CCNY: variants seen among roughly 807,000 people sequenced by gnomAD.
CCNY encodes cyclin-Y.
A neutral mutation model predicts 42.8 loss-of-function variants in CCNY; 19 were observed. The observed-to-expected ratio is 0.44, with a 90% CI of 0.31 to 0.65. The LOEUF (loss-of-function observed/expected upper bound fraction) is 0.65, where lower values mean the gene tolerates loss of function less well. Ranked by LOEUF, CCNY falls within the 30% of genes least tolerant of loss-of-function variation. The pLI, the probability that CCNY is intolerant of heterozygous loss-of-function variation, is 0.07. For missense variants in CCNY, 370 were observed against 437.3 expected (o/e 0.85, Z 1.37); for synonymous variants, 165 against 162.7 (o/e 1.01, Z -0.11).
At chr10:35,428,712 G>A (rs1228125876) in intron 1 of CCNY, among the ~76,000 whole-genome samples, 1 of 152,086 alleles carries the variant, frequency 6.6e-6, no homozygotes, top group Non-Finnish European at 1.5e-5. Flanking sequence ...TTGTGGTCTA[G>A]GTGGAAGATG....
intron 3 of CCNY, among the ~76,000 whole-genome samples, chr10:35,300,592 C>A (rs550221661): frequency 6.6e-6 from 1 of 151,946 alleles, no homozygotes; most frequent in Non-Finnish European, 1.5e-5. Flanking sequence ...TTTTTGCATT[C>A]GCTTATACAA....
At chr10:35,462,966 C>T (rs571848878) in intron 1 of CCNY, among the ~76,000 whole-genome samples, 2 of 152,348 alleles carry the variant, frequency 1.3e-5, no homozygotes, top group African/African-American at 4.8e-5. Context: ...GAAATGGTTG[C>T]AGCGGCACTT....
intron 3 of CCNY, among the ~76,000 whole-genome samples, chr10:35,285,570 A>G (rs956328264): frequency 1.3e-5 from 2 of 152,252 alleles, no homozygotes; most frequent in African/African-American, 4.8e-5. Flanking sequence ...GACTACTCAG[A>G]TGTGAGCCAC....
At chr10:35,512,830 G>A (rs907718120) in intron 3 of CCNY, among the ~76,000 whole-genome samples, 16 of 152,052 alleles carry the variant, frequency 1.1e-4, no homozygotes, top group East Asian at 5.8e-4. Flanking sequence ...GAGGTGTCGC[G>A]GGTGGGAGCA....
intron 1 of CCNY, among the ~76,000 whole-genome samples, chr10:35,413,238 GGACACA>G (rs1333378367): frequency 1.3e-5 from 2 of 152,074 alleles, no homozygotes; most frequent in African/African-American, 4.8e-5. Context: ...GGAAAAGGTC[GGACACA>G]TTCCAGACAT....
intron 3 of CCNY, among the ~76,000 whole-genome samples, chr10:35,319,329 T>C (rs1021905535): frequency 2.0e-5 from 3 of 152,060 alleles, no homozygotes; most frequent in Non-Finnish European, 4.4e-5. Flanking sequence ...GAGTGAGTTA[T>C]GATCGCTACT....
In CCNY at chr10:35,530,036, C is replaced by T; in HGVS notation, c.459+6C>T. On this transcript the variant is annotated splice_donor_region_variant and intron_variant, in intron 6 of 9. Transcript: ENST00000374704. This position sits in a 1 kb window ranked among gnomAD's most constrained non-coding sequence, Gnocchi z 4.3. ...AAAATCTTCACCCTCTTTCGGTAAT[C>T]TCCTCCGTGTGTTTCATGAGATGAT... The T allele has an allele frequency of 6.2e-7, 1 of 1,614,026 alleles. No individual in the cohort carries two copies. Among genetic ancestry groups the T allele is most frequent in the African/African-American group, 1.3e-5 (1 of 75,034 alleles).
intron 1 of CCNY, among the ~76,000 whole-genome samples, chr10:35,393,551 G>C (rs1225613095): frequency 6.6e-6 from 1 of 152,194 alleles, no homozygotes; most frequent in African/African-American, 2.4e-5. Context: ...GGCTGGTGTT[G>C]ACCTGAAGCC....
At chr10:35,499,130 T>TG (rs988039149) in intron 2 of CCNY, among the ~76,000 whole-genome samples, 22 of 152,134 alleles carry the variant, frequency 1.4e-4, no homozygotes, top group African/African-American at 5.1e-4. Context: ...GTAGTTTTTT[T>TG]TTTGTTTGTT....
rs181020629 is a variant in CCNY, at chr10:35,513,392, G to A, written c.265-3131G>A. Among the ~76,000 whole-genome samples the A allele has an allele frequency of 9.9e-5, 15 of 152,168 alleles. No homozygotes were observed. The East Asian group carries it at 2.5e-3, about 25-fold the overall frequency. Reference sequence around the variant, plus strand: ...ACAATCTTTCTAAATTGTTTATAGGGTGATGCCCATCCTTTGCAAGTAAAA... The same window carrying A: ...ACAATCTTTCTAAATTGTTTATAGGATGATGCCCATCCTTTGCAAGTAAAA... On this transcript the variant is annotated intron_variant, in intron 3 of 9. Transcript: ENST00000374704.
chr10:35,516,492 T>A, intron 3 of CCNY, 31 bp from the exon 4 acceptor site: 1 of 1,464,318 alleles, frequency 6.8e-7, no homozygotes, highest in South Asian at 1.1e-5. Flanking sequence ...CCCTGTGTAA[T>A]TGCCTTAATC....
rs547873650 is a variant in CCNY, at chr10:35,292,318, C to A, written c.-9+41692C>A. Among the ~76,000 whole-genome samples, 45 of 152,024 alleles carry A rather than the reference C, an allele frequency of 3.0e-4. No homozygotes were observed. The South Asian group carries it at 9.4e-3, about 32-fold the overall frequency. ...ATTTTGTGGGTTGTTTTTTAATTTTCTTGATGGTATCTTTTGAAGAACAAT... is the reference window on the plus strand; with the variant it reads ...ATTTTGTGGGTTGTTTTTTAATTTTATTGATGGTATCTTTTGAAGAACAAT... On this transcript the variant is annotated intron_variant, in intron 3 of 11. Transcript: ENST00000374706.
chr10:35,310,219 C>T (rs1835667653), intron 3 of CCNY, among the ~76,000 whole-genome samples: 1 of 152,172 alleles, frequency 6.6e-6, no homozygotes, highest in Non-Finnish European at 1.5e-5. Context: ...CACATAATGT[C>T]CTCCAGGTCA....
intron 3 of CCNY, among the ~76,000 whole-genome samples, chr10:35,329,757 G>T (rs1221136212): frequency 6.6e-6 from 1 of 152,168 alleles, no homozygotes. Context: ...AGAGGGAGTT[G>T]TGAGCAGGTT....
At chr10:35,317,843 G>A (rs1333469517) in intron 3 of CCNY, among the ~76,000 whole-genome samples, 3 of 152,022 alleles carry the variant, frequency 2.0e-5, no homozygotes, top group Non-Finnish European at 4.4e-5. Flanking sequence ...TGCTTAATTG[G>A]GGCAAAAACC....
intron 3 of CCNY, among the ~76,000 whole-genome samples, chr10:35,302,980 G>C (rs1835556146): frequency 6.6e-6 from 1 of 152,152 alleles, no homozygotes; most frequent in South Asian, 2.1e-4. Flanking sequence ...AAGATTGCTT[G>C]AGGTCAGGAA....
intron 7 of CCNY, among the ~76,000 whole-genome samples, chr10:35,547,779 C>T (rs1841147712): frequency 6.6e-6 from 1 of 152,068 alleles, no homozygotes; most frequent in African/African-American, 2.4e-5. Flanking sequence ...CTCTGCCGGC[C>T]CCTGGGCTAG....
chr10:35,369,083 A>G lies in CCNY; in HGVS notation c.154+31876A>G, dbSNP rs148852762. ...GAGATCTGTCCTGCTTGCTCTGTGG[A>G]AGTAGTCCAGGGCCAAACATTCAAA... On this transcript the variant is annotated intron_variant, in intron 1 of 9. Transcript: ENST00000374704. Among the ~76,000 whole-genome samples the G allele has an allele frequency of 1.4e-4, 22 of 151,848 alleles. No individual in the cohort carries two copies. In the East Asian group the frequency reaches 4.1e-3, roughly 28 times the overall value.
chr10:35,286,362 C>CTT (rs546422909), intron 3 of CCNY, among the ~76,000 whole-genome samples: 6 of 141,804 alleles, frequency 4.2e-5, no homozygotes, highest in African/African-American at 7.7e-5. Context: ...TTTTACCATA[C>CTT]TTTTTTTTTT....
Sources: allele counts gnomAD v4.1 joint callset (sites outside exome capture counted in the v4.1 genomes callset), GRCh38; gene constraint gnomAD v4.1.1; non-coding constraint Gnocchi (gnomAD v3.1); transcripts MANE v1.5; gene names NCBI Gene and HGNC (gene_info 2026-07-23, HGNC 2026-07-21).